The following KLHL1 variants were observed in gnomAD, a reference collection of about 807,000 sequenced individuals.
The protein encoded by KLHL1 is kelch like family member 1.
In KLHL1, 47 loss-of-function variants were observed where a neutral mutation model predicts 77.7. That is an observed-to-expected ratio of 0.60 (90% CI 0.48 to 0.77). The LOEUF (loss-of-function observed/expected upper bound fraction) is 0.77, where lower values mean the gene tolerates loss of function less well. Ranked by LOEUF, KLHL1 falls within the 30% of genes least tolerant of loss-of-function variation. The pLI is 0.00. For synonymous variants in KLHL1, 360 were observed against 325.2 expected (o/e 1.11, Z -1.15); for missense variants, 925 against 910.8 (o/e 1.02, Z -0.20).
intron 7 of KLHL1, among the ~76,000 whole-genome samples, chr13:69,781,853 G>A (rs1876229759): frequency 6.6e-6 from 1 of 151,714 alleles, no homozygotes; most frequent in South Asian, 2.1e-4. Flanking sequence ...GCTATAAATG[G>A]GATATTAACT....
rs1555283223 is a variant in KLHL1 at position 69,939,378 on chromosome 13, T to TAC, written c.1014+660_1014+661dup. 3.0e-3 allele frequency among the ~76,000 whole-genome samples: 212 copies of TAC among 70,754 alleles called. 6 individuals are homozygous for TAC. The highest frequency in any genetic ancestry group is 0.011 in the South Asian group (23 of 2,172). 46.4% of individuals were successfully genotyped at this position (70,754 alleles called of 152,430 possible). A position where few individuals can be genotyped will look rare whatever the true frequency, so the allele number is the denominator to read the frequency against. On this transcript the variant is annotated intron_variant, in intron 4 of 10. Transcript: ENST00000377844. The stretch of plus-strand genomic sequence containing the variant: ...ATATATATATATATATATATATATA[T>TAC]ACACACACACACGCACACACATACA...
Position 70,073,855 on chromosome 13 carries a change from C to T in KLHL1, c.497+33348G>A, listed in dbSNP as rs578119670. 1.0e-4 allele frequency among the ~76,000 whole-genome samples: 15 copies of T among 150,740 alleles called. No homozygotes were observed. In the South Asian group the frequency reaches 2.5e-3, roughly 25 times the overall value. ...TTCTTTTTTTTTTGAGATGGAGTCT[C>T]GCTCTTGTTGCCCAGGCTGGAGGGC... On this transcript the variant is annotated intron_variant, in intron 1 of 10. Coordinates refer to ENST00000377844, the MANE Select transcript of KLHL1 (RefSeq NM_020866.3).
At chr13:69,713,109 C>T (rs1304900064) in intron 9 of KLHL1, among the ~76,000 whole-genome samples, 1 of 152,102 alleles carries the variant, frequency 6.6e-6, no homozygotes, top group Non-Finnish European at 1.5e-5. Flanking sequence ...GAATTAAAGG[C>T]ATAACCCATC....
chr13:70,011,831 C>T (rs1375374206), intron 1 of KLHL1, among the ~76,000 whole-genome samples: 1 of 152,156 alleles, frequency 6.6e-6, no homozygotes, highest in Non-Finnish European at 1.5e-5. Context: ...TGTCCATTTT[C>T]ATGCCGTTGA....
chr13:69,882,244 G>A, intron 5 of KLHL1, 39 bp downstream of exon 5: 1 of 1,367,698 alleles, frequency 7.3e-7, no homozygotes, highest in Admixed American at 1.7e-5. Flanking sequence ...GGGTTTTTCA[G>A]TACATTGAAT....
rs1343778321 is a variant in KLHL1, at chr13:69,844,761, GTTTT to G, written c.1228-5603_1228-5600del. Among the ~76,000 whole-genome samples, 682 of 146,254 alleles carry G rather than the reference GTTTT, an allele frequency of 4.7e-3. 4 individuals carry two copies. The highest frequency in any genetic ancestry group is 0.015 in the African/African-American group (600 of 40,784). On this transcript the variant is annotated intron_variant, in intron 5 of 10. Transcript: ENST00000377844. Reference sequence around the variant, plus strand: ...TCAAGCAATAAGGTTTTTCTTCTGGGTTTTTTATTTATTTATTTATTTATTAAGA... The same window carrying G: ...TCAAGCAATAAGGTTTTTCTTCTGGGTTATTTATTTATTTATTTATTAAGA...
intron 4 of KLHL1, among the ~76,000 whole-genome samples, chr13:69,898,791 G>A (rs2138222348): frequency 6.6e-6 from 1 of 152,202 alleles, no homozygotes; most frequent in East Asian, 1.9e-4. Flanking sequence ...CTATCCTTGA[G>A]ACATTTTTTT....
chr13:69,725,040 C>T (rs79957680), intron 8 of KLHL1, among the ~76,000 whole-genome samples: 12,335 of 152,190 alleles, frequency 0.081, 622 homozygotes, highest in Non-Finnish European at 0.1. Flanking sequence ...CAAGGGATCT[C>T]TGAGTTTTGG....
intron 5 of KLHL1, among the ~76,000 whole-genome samples, chr13:69,854,952 A>T (rs141332783): frequency 6.6e-6 from 1 of 152,074 alleles, no homozygotes; most frequent in Non-Finnish European, 1.5e-5. Context: ...TATTTTTACA[A>T]GAAAAAAATT....
chr13:69,918,150 CTT>C (rs1044006058), intron 4 of KLHL1, among the ~76,000 whole-genome samples: 2 of 151,896 alleles, frequency 1.3e-5, no homozygotes, highest in Non-Finnish European at 2.9e-5. Context: ...AGCAGAATTT[CTT>C]TGTGGTTTCA....
intron 4 of KLHL1, among the ~76,000 whole-genome samples, chr13:69,917,373 A>C (rs1016780178): frequency 3.3e-5 from 5 of 152,154 alleles, no homozygotes; most frequent in Non-Finnish European, 5.9e-5. Context: ...CAAAAGTAAG[A>C]AACTCCATAT....
At chr13:69,964,012 C>A (rs1268208612) in intron 2 of KLHL1, among the ~76,000 whole-genome samples, 1 of 151,620 alleles carries the variant, frequency 6.6e-6, no homozygotes, top group Non-Finnish European at 1.5e-5. Flanking sequence ...ATTTCATTAT[C>A]AATTAGGCAC....
At chr13:70,068,295 C>T (rs1180240960) in intron 1 of KLHL1, among the ~76,000 whole-genome samples, 2 of 151,848 alleles carry the variant, frequency 1.3e-5, no homozygotes, top group East Asian at 1.9e-4. Context: ...GAGCCGAGAT[C>T]GCGCCACTGC....
At chr13:69,982,475 AT>A (rs201763218) in intron 1 of KLHL1, among the ~76,000 whole-genome samples, 166 of 115,338 alleles carry the variant, frequency 1.4e-3, no homozygotes, top group African/African-American at 5.7e-3. Flanking sequence ...AATAATAATA[AT>A]AATAAAATAA....
chr13:69,916,769 A>C (rs998390782), intron 4 of KLHL1, among the ~76,000 whole-genome samples: 5 of 152,120 alleles, frequency 3.3e-5, no homozygotes, highest in African/African-American at 9.7e-5. Context: ...TGAAAAAAAA[A>C]CCACATAGTA....
chr13:69,801,362 T>G (rs573059424), intron 6 of KLHL1, among the ~76,000 whole-genome samples: 1 of 152,196 alleles, frequency 6.6e-6, no homozygotes, highest in Non-Finnish European at 1.5e-5. Context: ...ATTTAAATAA[T>G]GTTTAAGTAC....
intron 1 of KLHL1, among the ~76,000 whole-genome samples, chr13:70,082,226 T>G (rs1415442204): frequency 6.6e-6 from 1 of 151,620 alleles, no homozygotes; most frequent in Non-Finnish European, 1.5e-5. Context: ...ATTACCCAGT[T>G]TCAAGTATTT....
intron 1 of KLHL1, among the ~76,000 whole-genome samples, chr13:70,030,917 C>T (rs9572340): frequency 0.26 from 39,674 of 151,982 alleles, 5,726 homozygotes; most frequent in East Asian, 0.59. Flanking sequence ...GGGATATCAC[C>T]ACCAATCCCA....
At chr13:69,840,602 T>G (rs1235459246) in intron 5 of KLHL1, among the ~76,000 whole-genome samples, 1 of 151,856 alleles carries the variant, frequency 6.6e-6, no homozygotes, top group African/African-American at 2.4e-5. Flanking sequence ...AGATGATTAA[T>G]TACATTCTTG....
Sources: allele counts gnomAD v4.1 joint callset (sites outside exome capture counted in the v4.1 genomes callset), GRCh38; gene constraint gnomAD v4.1.1; transcripts MANE v1.5; gene names NCBI Gene and HGNC (gene_info 2026-07-23, HGNC 2026-07-21).